POLR2E: variants seen among roughly 807,000 people sequenced by gnomAD.
POLR2E encodes the protein RNA polymerase II, I and III subunit E.
A neutral mutation model predicts 29.8 loss-of-function variants in POLR2E; 35 were observed. The ratio of observed to expected loss-of-function variants is 1.17; its 90% confidence interval spans 0.90 to 1.55. The LOEUF is 1.55. POLR2E is among the 40% of genes most tolerant of loss of function. POLR2E has a pLI of 0.00. For synonymous variants in POLR2E, 174 were observed against 112.6 expected, an observed-to-expected ratio of 1.55 and a Z score of -3.45; for missense variants, 287 against 288.6, an observed-to-expected ratio of 0.99 and a Z score of 0.04.
Position 1,094,006 on chromosome 19 carries a change from A to G in POLR2E, c.130T>C (p.Ser44Pro). 6.2e-7 allele frequency: 1 copy of G among 1,613,714 alleles called. No homozygotes were observed. Among genetic ancestry groups the G allele is most frequent in the Non-Finnish European group, 8.5e-7 (1 of 1,179,892 alleles). ...DQTLEEFKAQ[S>P]GDKPSEGRPR... ...CGCCCCTCACTCGGCTTGTCCCCAG[A>G]TTGGGCTTTGAACTCCTCCAGGGTC... The change falls in exon 2 of 8, where the codon TCT (serine) becomes CCT (proline). Residue 44 changes from serine to proline, a missense_variant. Coordinates refer to ENST00000615234, the MANE Select transcript of POLR2E (RefSeq NM_002695.5).
intron 1 of POLR2E, chr19:1,094,630 G>T (rs1043560721): frequency 1.3e-5 from 2 of 156,810 alleles, no homozygotes; most frequent in African/African-American, 4.8e-5. Context: ...CAGGCTGCGG[G>T]GGGCTTCGCT....
rs903864252 is a variant in POLR2E, at chr19:1,086,615, A to C, written c.*2120T>G. ...GCACGTTTATTTTGCTGAAATAAAAAGTTTTTAATCGGGTGTTTTCTGTGG... is the reference window on the plus strand; with the variant it reads ...GCACGTTTATTTTGCTGAAATAAAACGTTTTTAATCGGGTGTTTTCTGTGG... On this transcript the variant is annotated 3_prime_UTR_variant, in exon 8 of 8. Transcript: ENST00000615234. The C allele has an allele frequency of 6.6e-6, 1 of 151,838 alleles. No individual in the cohort carries two copies. Among genetic ancestry groups the C allele is most frequent in the Non-Finnish European group, 1.5e-5 (1 of 67,666 alleles). 9.4% of individuals were successfully genotyped at this position (151,838 alleles called of 1,614,324 possible).
intron 2 of POLR2E, among the ~76,000 whole-genome samples, chr19:1,093,500 G>C (rs1398369828): frequency 6.6e-6 from 1 of 152,144 alleles, no homozygotes; most frequent in Non-Finnish European, 1.5e-5. Flanking sequence ...GGGCTGGGGC[G>C]GGCAGGGGCC....
chr19:1,087,129 T>C lies in POLR2E; in HGVS notation c.*1606A>G, dbSNP rs2043708486. On this transcript the variant is annotated 3_prime_UTR_variant, in exon 8 of 8. Coordinates refer to ENST00000615234, the MANE Select transcript of POLR2E (RefSeq NM_002695.5). Reference sequence around the variant, plus strand: ...CCTCAGCCTCCCAAAGTGTTGGGATTACAGGTGTGAGCCACTGTGCCCAGG... The same window carrying C: ...CCTCAGCCTCCCAAAGTGTTGGGATCACAGGTGTGAGCCACTGTGCCCAGG... 1 of 152,134 alleles carries C rather than the reference T, an allele frequency of 6.6e-6. No homozygotes were observed. The highest frequency in any genetic ancestry group is 1.5e-5 in the Non-Finnish European group (1 of 68,076). The allele number at this position is 152,134 out of a possible 1,614,324, so 9.4% of individuals were successfully genotyped here.
At chr19:1,095,143 C>T (rs1425371427) in intron 1 of POLR2E, 116 bp downstream of exon 1, 1 of 1,100,524 alleles carries the variant, frequency 9.1e-7, no homozygotes, top group Non-Finnish European at 1.3e-6. Flanking sequence ...CGTATCGGCC[C>T]GGCCCTTCAT....
intron 2 of POLR2E, chr19:1,092,220 G>A (rs771233800): frequency 3.2e-6 from 1 of 307,804 alleles, no homozygotes; most frequent in South Asian, 3.5e-5. Context: ...GGAGGCGGGT[G>A]ACTCAGCACC....
At chr19:1,092,209 G>C (rs2043848131) in intron 2 of POLR2E, 1 of 334,210 alleles carries the variant, frequency 3.0e-6, no homozygotes, top group Admixed American at 4.1e-5. Context: ...GGCAGTTCTG[G>C]GGAGGCGGGT....
chr19:1,086,610 TAAAA>T lies in POLR2E; in HGVS notation c.*2121_*2124del, dbSNP rs759776995. ...CACAGGCACGTTTATTTTGCTGAAATAAAAAGTTTTTAATCGGGTGTTTTCTGTG... is the reference window on the plus strand; with the variant it reads ...CACAGGCACGTTTATTTTGCTGAAATAGTTTTTAATCGGGTGTTTTCTGTG... On this transcript the variant is annotated 3_prime_UTR_variant, in exon 8 of 8. Transcript: ENST00000615234. 1 of 151,830 alleles carries T rather than the reference TAAAA, an allele frequency of 6.6e-6. No homozygotes were observed. Among genetic ancestry groups the T allele is most frequent in the African/African-American group, 2.4e-5 (1 of 41,392 alleles). 9.4% of individuals were successfully genotyped at this position (151,830 alleles called of 1,614,324 possible). A position where few individuals can be genotyped will look rare whatever the true frequency, so the allele number is the denominator to read the frequency against.
At position 1,094,252 on chromosome 19, in the gene POLR2E, C is replaced by A; in HGVS notation, c.58-174G>T. The A allele has an allele frequency of 6.7e-6, 4 of 598,720 alleles. No homozygotes were observed. The South Asian group carries it at 8.2e-5, about 12-fold the overall frequency. 37.1% of individuals were successfully genotyped at this position (598,720 alleles called of 1,614,324 possible). On this transcript the variant is annotated intron_variant, in intron 1 of 7. Coordinates refer to ENST00000615234, the MANE Select transcript of POLR2E (RefSeq NM_002695.5). ...CCCCGGCCCCCACAGCCTCACACCACAGGATGGGACCAGTATGATCCTGAG... is the reference window on the plus strand; with the variant it reads ...CCCCGGCCCCCACAGCCTCACACCAAAGGATGGGACCAGTATGATCCTGAG...
rs1205770994 is a variant in POLR2E at position 1,094,027 on chromosome 19, G to A, written c.109C>T (p.Leu37=). 2 of 1,613,794 alleles carry A rather than the reference G, an allele frequency of 1.2e-6. No individual in the cohort carries two copies. Among genetic ancestry groups the A allele is most frequent in the East Asian group, 2.2e-5 (1 of 44,872 alleles). ...CCAGATTGGGCTTTGAACTCCTCCA[G>A]GGTCTGGTCAAGCTCGTCCTGGGTC... ...LVTQDELDQT[L]EEFKAQSGDK... Residue 37 remains leucine, a synonymous_variant, in exon 2 of 8, where the codon CTG becomes TTG. Coordinates refer to ENST00000615234, the MANE Select transcript of POLR2E (RefSeq NM_002695.5).
At chr19:1,088,950 G>A (rs1010077317) in intron 7 of POLR2E, among the ~76,000 whole-genome samples, 2 of 152,164 alleles carry the variant, frequency 1.3e-5, no homozygotes, top group African/African-American at 4.8e-5. Flanking sequence ...CCACCCCTGG[G>A]CTGAGTGTGA....
chr19:1,091,845 T>C lies in POLR2E; in HGVS notation c.295A>G (p.Ile99Val). Reference protein sequence around the residue: ...VYCQRMQEENITRALIVVQQG... With the variant: ...VYCQRMQEENVTRALIVVQQG... The stretch of plus-strand genomic sequence containing the variant: ...TGCACCACGATGAGAGCCCGTGTGA[T>C]GTTCTCCTCCTGCATGCGCTGGCAG... The change falls in exon 3 of 8, where the codon ATC becomes GTC. Residue 99 changes from isoleucine to valine, a missense_variant. Coordinates refer to ENST00000615234, the MANE Select transcript of POLR2E (RefSeq NM_002695.5). 2 of 1,613,308 alleles carry C rather than the reference T, an allele frequency of 1.2e-6. No homozygotes were observed. The highest frequency in any genetic ancestry group is 1.7e-6 in the Non-Finnish European group (2 of 1,179,880).
At position 1,089,982 on chromosome 19, in the gene POLR2E, A is replaced by G. The variant is rs199641722; in HGVS notation, c.489-20T>C. On this transcript the variant is annotated intron_variant, in intron 5 of 7. Coordinates refer to ENST00000615234, the MANE Select transcript of POLR2E (RefSeq NM_002695.5). ...AGCTTACTGCGAAGCACCGTCAGGA[A>G]AATGCCAGACAGGGCCGTTGGGGGG... 8 of 1,605,112 alleles carry G rather than the reference A, an allele frequency of 5.0e-6. No homozygotes were observed. The Admixed American group carries it at 1.3e-4, about 27-fold the overall frequency.
chr19:1,091,882 G>A lies in POLR2E; in HGVS notation c.258C>T (p.Thr86=), dbSNP rs2043840894. The change falls in exon 3 of 8, where the codon ACC becomes ACT. Residue 86 remains threonine (T), a synonymous_variant. Transcript: ENST00000615234. ...GCATGCGCTGGCAGTACACCTTGAT[G>A]GTCTTGATGCCCACCTTGGGCTCCT... The part of the protein sequence containing the change: ...FPEEPKVGIK[T]IKVYCQRMQE... 1.2e-6 allele frequency: 2 copies of A among 1,612,396 alleles called. No individual in the cohort carries two copies. The highest frequency in any genetic ancestry group is 1.1e-5 in the South Asian group (1 of 91,064).
In POLR2E at chr19:1,095,083, G is replaced by C. The variant is rs1455139801; in HGVS notation, c.57+176C>G. ...GAAACCCCCTCCCTTCCCCGCTGCC[G>C]GCTCAGGTCGGGTCCAGCGCCTGGT... is the stretch of plus-strand genomic sequence containing the variant. On this transcript the variant is annotated intron_variant, in intron 1 of 7. Coordinates refer to ENST00000615234, the MANE Select transcript of POLR2E (RefSeq NM_002695.5). 3.3e-5 allele frequency: 17 copies of C among 511,028 alleles called. 1 individual carries two copies. The highest frequency in any genetic ancestry group is 5.8e-5 in the Non-Finnish European group (17 of 293,890). 31.7% of individuals were successfully genotyped at this position (511,028 alleles called of 1,614,324 possible).
intron 1 of POLR2E, 126 bp downstream of exon 1, chr19:1,095,133 C>T: frequency 1.0e-6 from 1 of 984,208 alleles, no homozygotes. Context: ...CTGGGCCTCC[C>T]GTATCGGCCC....
In POLR2E at chr19:1,086,753, ATG is replaced by A. The variant is rs1437955637; in HGVS notation, c.*1980_*1981del. The A allele has an allele frequency of 6.6e-6, 1 of 151,952 alleles. No homozygotes were observed. Among genetic ancestry groups the A allele is most frequent in the Non-Finnish European group, 1.5e-5 (1 of 67,944 alleles). The allele number at this position is 151,952 out of a possible 1,614,324, so 9.4% of individuals were successfully genotyped here. ...CCCTGGGCCTCCCCCTAGGGGAGGG[ATG>A]TGTGAGGAAGGGAACCCCCCGCCAC... On this transcript the variant is annotated 3_prime_UTR_variant, in exon 8 of 8. Coordinates refer to ENST00000615234, the MANE Select transcript of POLR2E (RefSeq NM_002695.5).
intron 2 of POLR2E, 40 bp downstream of exon 2, chr19:1,093,864 T>C: frequency 1.3e-6 from 2 of 1,531,004 alleles, no homozygotes; most frequent in Non-Finnish European, 1.8e-6. Context: ...GCAGGTGCTC[T>C]GGTGGCTTCA....
Position 1,095,316 on chromosome 19 carries a change from G to A in POLR2E, c.-1C>T, listed in dbSNP as rs201611614. The A allele has an allele frequency of 2.6e-5, 42 of 1,612,412 alleles. No individual in the cohort carries two copies. Among genetic ancestry groups the A allele is most frequent in the Admixed American group, 1.5e-4 (9 of 59,980 alleles). On this transcript the variant is annotated 5_prime_UTR_variant, in exon 1 of 8. Coordinates refer to ENST00000615234, the MANE Select transcript of POLR2E (RefSeq NM_002695.5). The stretch of plus-strand genomic sequence containing the variant: ...GGTACGTCTCCTCCTCGTCGTCCAT[G>A]GCAGCCTCCGCCGCCGCCGCCGCTC...
Sources: allele counts gnomAD v4.1 joint callset (sites outside exome capture counted in the v4.1 genomes callset), GRCh38; gene constraint gnomAD v4.1.1; transcripts MANE v1.5; gene names NCBI Gene and HGNC (gene_info 2026-07-23, HGNC 2026-07-21).